MANSC4: variants seen among roughly 807,000 people sequenced by gnomAD.
MANSC4 encodes MANSC domain containing 4, also known as MANSC domain-containing protein 4.
In MANSC4, 11 loss-of-function variants were observed where a neutral mutation model predicts 11.4. The observed-to-expected ratio is 0.97, with a 90% CI of 0.61 to 1.60. The LOEUF is 1.60. Ranked by LOEUF, MANSC4 falls within the 40% of genes most tolerant of loss-of-function variation. The pLI is 0.00. For synonymous variants in MANSC4, 123 were observed against 147.1 expected (o/e 0.84, Z 1.19); for missense variants, 354 against 404.6 (o/e 0.88, Z 1.07).
intron 2 of MANSC4, among the ~76,000 whole-genome samples, chr12:27,768,047 T>C (rs1346068394): frequency 6.6e-6 from 1 of 152,130 alleles, no homozygotes; most frequent in Non-Finnish European, 1.5e-5. Context: ...TTCTAGCAGG[T>C]GGGGACACAC....
chr12:27,766,665 C>T lies in MANSC4; in HGVS notation c.364G>A (p.Gly122Ser), dbSNP rs376168584. ...TSAILYNITD[G>S]IDPDLLVFEQ... ...AAGTCTTGAAATATGTAATCATTAC[C>T]GTCTGTTATGTTGTACAAAATGGCA... The change falls in exon 3 of 4, where the codon GGT becomes AGT. Residue 122 changes from glycine (G) to serine (S), a missense_variant and splice_region_variant. Gly to Ser is a moderately conservative substitution (Grantham distance 56). Coordinates refer to ENST00000381273, the MANE Select transcript of MANSC4 (RefSeq NM_001146221.5). 429 of 1,549,844 alleles carry T rather than the reference C, an allele frequency of 2.8e-4. 1 individual carries two copies. Among genetic ancestry groups the T allele is most frequent in the Admixed American group, 2.6e-4 (13 of 50,550 alleles).
chr12:27,770,902 T>C (rs1008702726), intron 2 of MANSC4, 146 bp downstream of exon 2: 7 of 612,286 alleles, frequency 1.1e-5, no homozygotes, highest in Admixed American at 9.3e-5. Context: ...CTGGCTCTCT[T>C]ACCTCTCCCT....
chr12:27,764,989 A>C (rs1236723886), intron 3 of MANSC4, among the ~76,000 whole-genome samples: 1 of 151,612 alleles, frequency 6.6e-6, no homozygotes, highest in Non-Finnish European at 1.5e-5. Context: ...CCACAGGCAC[A>C]CACCACCTTG....
At position 27,780,081 on chromosome 12, in the gene MANSC4, G is replaced by A. The variant is rs553621427; in HGVS notation, c.-307+129C>T. The A allele has an allele frequency of 1.7e-3, 283 of 166,206 alleles. 3 individuals are homozygous for A. Among genetic ancestry groups the A allele is most frequent in the Non-Finnish European group, 9.9e-4 (77 of 78,046 alleles). 10.3% of individuals were successfully genotyped at this position (166,206 alleles called of 1,614,324 possible). ...CGCCCGGGAGAGCCCGCGCGAGGAC[G>A]CCCGCCGCGCTCCGCCGGCCCTTTT... On this transcript the variant is annotated intron_variant, in intron 1 of 3. Transcript: ENST00000381273. This position sits in a 1 kb window ranked among gnomAD's most constrained non-coding sequence, Gnocchi z 8.8.
At chr12:27,764,324 G>A (rs954602557) in intron 3 of MANSC4, among the ~76,000 whole-genome samples, 4 of 152,090 alleles carry the variant, frequency 2.6e-5, no homozygotes, top group Non-Finnish European at 5.9e-5. Flanking sequence ...AGCATCCGTT[G>A]CTTCTGAGGT....
At chr12:27,773,725 A>G (rs1163044241) in intron 1 of MANSC4, among the ~76,000 whole-genome samples, 1 of 152,210 alleles carries the variant, frequency 6.6e-6, no homozygotes, top group Non-Finnish European at 1.5e-5. Context: ...AATAAATGGA[A>G]CTTTTACCTA....
chr12:27,772,055 CCAAA>C (rs34255239), intron 1 of MANSC4, among the ~76,000 whole-genome samples: 24,865 of 151,768 alleles, frequency 0.16, 2,518 homozygotes, highest in Non-Finnish European at 0.23. Flanking sequence ...AAAAATCAAA[CCAAA>C]CAAACAAACA....
At position 27,763,052 on chromosome 12, in the gene MANSC4, C is replaced by T; in HGVS notation, c.709G>A (p.Glu237Lys). The T allele has an allele frequency of 6.4e-7, 1 of 1,551,622 alleles. No homozygotes were observed. Among genetic ancestry groups the T allele is most frequent in the Non-Finnish European group, 8.7e-7 (1 of 1,146,984 alleles). Residue 237 changes from glutamate (E) to lysine (K), a missense_variant, in exon 4 of 4, where the codon GAA becomes AAA. Physicochemically the swap from Glu to Lys is moderately conservative, Grantham distance 56. Coordinates refer to ENST00000381273, the MANE Select transcript of MANSC4 (RefSeq NM_001146221.5). ...TGAGAAAGTTTTGTGTCTATGGGTT[C>T]AAAGAAAGGAGAAATAGTCTTATTA... is the stretch of plus-strand genomic sequence containing the variant. ...PDNKTISPFF[E>K]PIDTKLSHMP...
chr12:27,765,272 T>C (rs1213354570), intron 3 of MANSC4, among the ~76,000 whole-genome samples: 1 of 152,212 alleles, frequency 6.6e-6, no homozygotes, highest in South Asian at 2.1e-4. Flanking sequence ...GTGCAGACTT[T>C]AATGCTTCCC....
chr12:27,762,612 A>G lies in MANSC4; in HGVS notation c.*126T>C, dbSNP rs2062051638. 1.1e-6 allele frequency: 1 copy of G among 938,968 alleles called. No homozygotes were observed. Among genetic ancestry groups the G allele is most frequent in the Non-Finnish European group, 1.5e-6 (1 of 658,188 alleles). The allele number at this position is 938,968 out of a possible 1,614,324, so 58.2% of individuals were successfully genotyped here. The stretch of plus-strand genomic sequence containing the variant: ...GCAAATCTACTGCCTTGGCTTCCCA[A>G]AGTTTTGGGATTACAGGCATGAACC... On this transcript the variant is annotated 3_prime_UTR_variant, in exon 4 of 4. Transcript: ENST00000381273.
At chr12:27,779,010 A>G (rs1239009748) in intron 1 of MANSC4, among the ~76,000 whole-genome samples, 1 of 152,214 alleles carries the variant, frequency 6.6e-6, no homozygotes, top group Non-Finnish European at 1.5e-5. Context: ...CTGGGATCAC[A>G]GGCGCGTGCC....
rs558026692 is a variant in MANSC4 at position 27,775,343 on chromosome 12, G to A, written c.-306-3761C>T. The stretch of plus-strand genomic sequence containing the variant: ...TATAATCCCAACACTTTCTAAGGTC[G>A]AAGAGGGAGAATTGCTTTGAGCCCA... On this transcript the variant is annotated intron_variant, in intron 1 of 3. Coordinates refer to ENST00000381273, the MANE Select transcript of MANSC4 (RefSeq NM_001146221.5). Among the ~76,000 whole-genome samples the A allele has an allele frequency of 3.9e-5, 6 of 152,242 alleles. No homozygotes were observed. The East Asian group carries it at 7.7e-4, about 20-fold the overall frequency.
Position 27,766,714 on chromosome 12 carries a change from G to C in MANSC4, c.315C>G (p.Ser105Arg). The change falls in exon 3 of 4, where the codon AGC becomes AGG. Residue 105 changes from serine to arginine, a missense_variant. Coordinates refer to ENST00000381273, the MANE Select transcript of MANSC4 (RefSeq NM_001146221.5). ...CLHVHCPTLE[S>R]CILEPGTSAI... ...CACTGGTTCCAGGCTCTAATATGCA[G>C]CTCTCCAGTGTTGGGCAGTGAACAT... 2 of 1,551,662 alleles carry C rather than the reference G, an allele frequency of 1.3e-6. No individual in the cohort carries two copies. Among genetic ancestry groups the C allele is most frequent in the South Asian group, 2.4e-5 (2 of 84,058 alleles).
At chr12:27,776,088 CAAA>C (rs35924016) in intron 1 of MANSC4, among the ~76,000 whole-genome samples, 4 of 63,086 alleles carry the variant, frequency 6.3e-5, no homozygotes, top group Non-Finnish European at 8.9e-5. Context: ...GAGACTGTCT[CAAA>C]AAAAAAAAAA....
intron 1 of MANSC4, among the ~76,000 whole-genome samples, chr12:27,778,151 G>C (rs1565479446): frequency 6.6e-6 from 1 of 151,628 alleles, no homozygotes; most frequent in Non-Finnish European, 1.5e-5. Context: ...CTTGAACCCG[G>C]GAGGTGGAGG....
Position 27,771,047 on chromosome 12 carries a change from C to G in MANSC4, c.229+1G>C. 2 of 1,548,116 alleles carry G rather than the reference C, an allele frequency of 1.3e-6. No homozygotes were observed. The highest frequency in any genetic ancestry group is 1.7e-6 in the Non-Finnish European group (2 of 1,145,464). ...TGCCCAAGCATATCATGAATACTTACCATCCTTCCGAAGACAGCAGCTCCT... is the reference window on the plus strand; with the variant it reads ...TGCCCAAGCATATCATGAATACTTAGCATCCTTCCGAAGACAGCAGCTCCT... On this transcript the variant is annotated splice_donor_variant, in intron 2 of 3. Transcript: ENST00000381273. LOFTEE classifies it high-confidence loss of function.
intron 2 of MANSC4, among the ~76,000 whole-genome samples, chr12:27,769,360 T>G (rs140540842): frequency 3.3e-4 from 51 of 152,370 alleles, no homozygotes; most frequent in African/African-American, 1.2e-3. Context: ...TTTAAAGTTA[T>G]GGCTTCCAGC....
intron 3 of MANSC4, among the ~76,000 whole-genome samples, chr12:27,765,773 A>G (rs1036877372): frequency 3.9e-5 from 6 of 152,222 alleles, no homozygotes; most frequent in African/African-American, 1.2e-4. Context: ...TGTTCAATAC[A>G]TACAAACTGA....
chr12:27,775,408 G>A (rs998486265), intron 1 of MANSC4, among the ~76,000 whole-genome samples: 1 of 152,128 alleles, frequency 6.6e-6, no homozygotes, highest in Non-Finnish European at 1.5e-5. Context: ...GGGAGAGCCT[G>A]TCTCTACAAA....
Sources: gnomAD v4.1 joint callset for allele counts (sites outside exome capture counted in the v4.1 genomes callset) on GRCh38, gnomAD v4.1.1 for gene constraint, Gnocchi (gnomAD v3.1) non-coding constraint, MANE v1.5 for transcripts, NCBI Gene and HGNC (gene_info 2026-07-23, HGNC 2026-07-21) for gene names.